Variants in RBFOX1 observed in about 807,000 individuals in gnomAD.
RBFOX1 encodes the protein RNA binding fox-1 homolog 1, also known as RNA binding protein fox-1 homolog 1.
RBFOX1 carries 8 observed loss-of-function variants against 57.7 expected under a neutral mutation model. The ratio of observed to expected loss-of-function variants is 0.14; its 90% confidence interval spans 0.08 to 0.25. RBFOX1 has a LOEUF of 0.25. Ranked by LOEUF, RBFOX1 falls within the 10% of genes least tolerant of loss-of-function variation. RBFOX1 has a pLI of 1.00. For missense variants in RBFOX1, 611 were observed against 548.5 expected, an observed-to-expected ratio of 1.11 and a Z score of -1.14; for synonymous variants, 326 against 222.4, an observed-to-expected ratio of 1.47 and a Z score of -4.15.
intron 2 of RBFOX1, among the ~76,000 whole-genome samples, chr16:6,379,297 A>G (rs906195247): frequency 2.6e-4 from 40 of 152,220 alleles, no homozygotes; most frequent in African/African-American, 9.6e-4. Context: ...TCCCTAGGAG[A>G]GAGGCAGGAT....
At chr16:7,250,154 G>T (rs945815075) in intron 4 of RBFOX1, among the ~76,000 whole-genome samples, 2 of 152,010 alleles carry the variant, frequency 1.3e-5, no homozygotes, top group Non-Finnish European at 2.9e-5. Context: ...ATTGATTTTC[G>T]AGAGAAGTAT....
intron 2 of RBFOX1, among the ~76,000 whole-genome samples, chr16:5,557,711 A>G (rs934074327): frequency 6.6e-6 from 1 of 152,214 alleles, no homozygotes; most frequent in Admixed American, 6.5e-5. Flanking sequence ...ACAGGGAACT[A>G]CTTGGTAGAA....
intron 2 of RBFOX1, among the ~76,000 whole-genome samples, chr16:6,380,644 C>T (rs1012840380): frequency 6.6e-6 from 1 of 151,662 alleles, no homozygotes; most frequent in African/African-American, 2.4e-5. Context: ...TCTTCTTTTC[C>T]TCTGACATGC....
At chr16:7,630,743 C>T in intron 11 of RBFOX1, 60 bp downstream of exon 11, 1 of 1,604,606 alleles carries the variant, frequency 6.2e-7, no homozygotes. Flanking sequence ...CAATCACCTT[C>T]CCTGCCATGT....
intron 3 of RBFOX1, among the ~76,000 whole-genome samples, chr16:7,049,733 C>G (rs778382716): frequency 1.3e-5 from 2 of 152,106 alleles, no homozygotes; most frequent in Non-Finnish European, 2.9e-5. Context: ...TCTCAAATAG[C>G]TCCCCCATGC....
At chr16:6,478,086 C>T (rs148795350) in intron 2 of RBFOX1, among the ~76,000 whole-genome samples, 2 of 152,004 alleles carry the variant, frequency 1.3e-5, no homozygotes, top group Non-Finnish European at 2.9e-5. Flanking sequence ...CACTAATACT[C>T]CACACCAGCA....
At chr16:7,046,005 C>T (rs1240278151) in intron 3 of RBFOX1, among the ~76,000 whole-genome samples, 1 of 152,116 alleles carries the variant, frequency 6.6e-6, no homozygotes, top group African/African-American at 2.4e-5. Context: ...ATCACTATTA[C>T]TATACATTTT....
chr16:7,141,646 G>A (rs927411676), intron 4 of RBFOX1, among the ~76,000 whole-genome samples: 1 of 152,180 alleles, frequency 6.6e-6, no homozygotes, highest in South Asian at 2.1e-4. Flanking sequence ...GTTTGGATGA[G>A]TTAAACTCAT....
intron 4 of RBFOX1, among the ~76,000 whole-genome samples, chr16:7,448,273 CT>C (rs1288309779): frequency 6.6e-6 from 1 of 151,710 alleles, no homozygotes; most frequent in African/African-American, 2.4e-5. Flanking sequence ...CTTCTGAGAA[CT>C]CTAAGGAAGG....
chr16:6,135,326 A>G lies in RBFOX1; in HGVS notation c.-127+115334A>G, dbSNP rs113154704. Among the ~76,000 whole-genome samples, 1,383 of 151,898 alleles carry G rather than the reference A, an allele frequency of 9.1e-3. 25 individuals are homozygous for G. The highest frequency in any genetic ancestry group is 0.032 in the African/African-American group (1,325 of 41,390). On this transcript the variant is annotated intron_variant, in intron 1 of 15. Transcript: ENST00000550418. ...TGGAAAGCATTGGCTGTACTTTGAAACTCTTTAGGCTTCATTCTGATAAGA... is the reference window on the plus strand; with the variant it reads ...TGGAAAGCATTGGCTGTACTTTGAAGCTCTTTAGGCTTCATTCTGATAAGA...
chr16:7,508,800 C>G (rs774025379), intron 4 of RBFOX1, among the ~76,000 whole-genome samples: 12 of 152,284 alleles, frequency 7.9e-5, no homozygotes, highest in Admixed American at 1.3e-4. Flanking sequence ...CTCTGTTATA[C>G]AATTTAATTA....
chr16:6,421,894 C>G (rs1354127114), intron 2 of RBFOX1, among the ~76,000 whole-genome samples: 1 of 150,736 alleles, frequency 6.6e-6, no homozygotes, highest in Non-Finnish European at 1.5e-5. Flanking sequence ...ATTTCCTGGT[C>G]CTGTTCCTCC....
At chr16:6,776,524 G>T (rs894304184) in intron 3 of RBFOX1, among the ~76,000 whole-genome samples, 5 of 152,134 alleles carry the variant, frequency 3.3e-5, no homozygotes, top group Admixed American at 2.0e-4. Flanking sequence ...GAGGAACCTT[G>T]GCTAGAATTA....
chr16:6,208,537 T>G (rs1293313352), intron 1 of RBFOX1, among the ~76,000 whole-genome samples: 1 of 152,178 alleles, frequency 6.6e-6, no homozygotes, highest in African/African-American at 2.4e-5. Flanking sequence ...CAGGGACTCT[T>G]ACAGACACAA....
rs1199933130 is a variant in RBFOX1, at chr16:7,654,027, T to TG, written c.890+81dup. On this transcript the variant is annotated intron_variant, in intron 12 of 15. Coordinates refer to ENST00000550418, the MANE Select transcript of RBFOX1 (RefSeq NM_018723.4). ...AGGCACGGAGCTGTTTGCGAGCGCATGATGGTCTTGACTCCCCCTCCGCCA... is the reference window on the plus strand; with the variant it reads ...AGGCACGGAGCTGTTTGCGAGCGCATGGATGGTCTTGACTCCCCCTCCGCCA... The TG allele has an allele frequency of 6.4e-6, 9 of 1,399,762 alleles. No individual in the cohort carries two copies. The Admixed American group carries it at 2.6e-4, about 41-fold the overall frequency. The allele number at this position is 1,399,762 out of a possible 1,614,324, so 86.7% of individuals were successfully genotyped here.
At chr16:6,624,785 T>C (rs1374323576) in intron 2 of RBFOX1, among the ~76,000 whole-genome samples, 1 of 152,206 alleles carries the variant, frequency 6.6e-6, no homozygotes, top group Non-Finnish European at 1.5e-5. Flanking sequence ...AAGGCAATTC[T>C]TTAATTTTTT....
intron 1 of RBFOX1, among the ~76,000 whole-genome samples, chr16:5,291,810 T>A (rs2063542467): frequency 6.6e-6 from 1 of 151,988 alleles, no homozygotes; most frequent in Non-Finnish European, 1.5e-5. Flanking sequence ...ATTTAGGAGG[T>A]AAAACCCACG....
intron 3 of RBFOX1, among the ~76,000 whole-genome samples, chr16:6,688,614 C>T (rs1326538419): frequency 6.6e-6 from 1 of 152,142 alleles, no homozygotes; most frequent in African/African-American, 2.4e-5. Flanking sequence ...TCCAACCAGC[C>T]ATTTGACCTG....
intron 1 of RBFOX1, among the ~76,000 whole-genome samples, chr16:5,300,571 A>G (rs1332799738): frequency 6.6e-6 from 1 of 152,192 alleles, no homozygotes; most frequent in African/African-American, 2.4e-5. Flanking sequence ...GAATTTAAGT[A>G]ATAATTATAT....
Sources: allele counts gnomAD v4.1 joint callset (sites outside exome capture counted in the v4.1 genomes callset), GRCh38; gene constraint gnomAD v4.1.1; transcripts MANE v1.5; gene names NCBI Gene and HGNC (gene_info 2026-07-23, HGNC 2026-07-21).